CXorf38: variants seen among roughly 807,000 people sequenced by gnomAD.
CXorf38 encodes uncharacterized protein CXorf38.
CXorf38 carries 13 observed loss-of-function variants against 27.5 expected under a neutral mutation model. That is an observed-to-expected ratio of 0.47 (90% CI 0.31 to 0.75). The LOEUF is 0.75. Ranked by LOEUF, CXorf38 falls within the 30% of genes least tolerant of loss-of-function variation. The pLI, the probability that CXorf38 is intolerant of heterozygous loss-of-function variation, is 0.05. For synonymous variants in CXorf38, 100 were observed against 99.8 expected (o/e 1.00, Z -0.01); for missense variants, 240 against 253.2 (o/e 0.95, Z 0.35).
chrX:40,641,566 AT>A (rs1928326301), intron 2 of CXorf38, among the ~76,000 whole-genome samples: 1 of 110,977 alleles, frequency 9.0e-6, no homozygotes, highest in Non-Finnish European at 1.9e-5. Context: ...AATTTTTTGT[AT>A]TTTTTGTAGA....
chrX:40,634,340 G>A (rs1382766915), intron 5 of CXorf38, among the ~76,000 whole-genome samples: 1 of 111,689 alleles, frequency 9.0e-6, no homozygotes, highest in African/African-American at 3.3e-5. Flanking sequence ...GAAAGTGCCG[G>A]GATTACAGGC....
chrX:40,631,254 T>C (rs12856705), intron 5 of CXorf38, among the ~76,000 whole-genome samples: 3,715 of 88,835 alleles, frequency 0.042, 122 homozygotes, highest in African/African-American at 0.098. Flanking sequence ...TATATATATA[T>C]ACACACACAC....
At chrX:40,638,827 G>C (rs1026133332) in intron 3 of CXorf38, among the ~76,000 whole-genome samples, 182 bp downstream of exon 3, 1 of 111,845 alleles carries the variant, frequency 8.9e-6, no homozygotes, top group African/African-American at 3.3e-5. Context: ...AGCCACACTA[G>C]TTTGCTTAGC....
At chrX:40,631,733 A>G (rs771035623) in intron 5 of CXorf38, among the ~76,000 whole-genome samples, 18 of 112,261 alleles carry the variant, frequency 1.6e-4, no homozygotes, top group Non-Finnish European at 3.4e-4. Context: ...AGCGTACATC[A>G]CTGATTCCCA....
At chrX:40,633,394 C>T (rs1488715936) in intron 5 of CXorf38, among the ~76,000 whole-genome samples, 1 of 111,322 alleles carries the variant, frequency 9.0e-6, no homozygotes, top group Non-Finnish European at 1.9e-5. Context: ...AAAGAGGCCA[C>T]CCTAACTACC....
Position 40,639,084 on chromosome X carries a change from T to C in CXorf38, c.396A>G (p.Glu132=), listed in dbSNP as rs138415021. ...RGLADKQGPE[E]CDAVALLSLI... is the part of the protein sequence containing the mutation. ...GACTTAAAAGAGCAACTGCATCACA[T>C]TCCTCAGGTCCTTGTTTGTCTGCTA... The change falls in exon 3 of 7, where the codon GAA becomes GAG. Residue 132 remains glutamate (E), a synonymous_variant. Coordinates refer to ENST00000327877, the MANE Select transcript of CXorf38 (RefSeq NM_144970.3). 7 of 1,209,153 alleles carry C rather than the reference T, an allele frequency of 5.8e-6. No homozygotes were observed. Among genetic ancestry groups the C allele is most frequent in the African/African-American group, 3.5e-5 (2 of 57,226 alleles).
chrX:40,637,025 TA>T lies in CXorf38; in HGVS notation c.602del (p.Val201AspfsTer5). 2.5e-6 allele frequency: 3 copies of T among 1,205,741 alleles called. No individual in the cohort carries two copies. The South Asian group carries it at 5.4e-5, about 22-fold the overall frequency. On this transcript the variant is annotated frameshift_variant, in exon 4 of 7. Transcript: ENST00000327877. LOFTEE classifies it high-confidence loss of function. ...EFKNIPEIVA[V>X]YSRIEQLLTS... ...TTTTTACCTGTTCTATTCTGGAGTA[TA>T]CTGCCACAATCTCTGGGATGTTCTT...
At chrX:40,632,576 C>T (rs758745123) in intron 5 of CXorf38, among the ~76,000 whole-genome samples, 10 of 101,423 alleles carry the variant, frequency 9.9e-5, no homozygotes, top group Non-Finnish European at 1.9e-4. Flanking sequence ...GTTGGGAGGA[C>T]GAATCAAAAG....
At chrX:40,632,828 C>T (rs1347969893) in intron 5 of CXorf38, among the ~76,000 whole-genome samples, 2 of 111,750 alleles carry the variant, frequency 1.8e-5, no homozygotes, top group East Asian at 5.6e-4. Flanking sequence ...ATAACAACAC[C>T]ACCTAGGATT....
Position 40,629,416 on chromosome X carries a change from C to T in CXorf38, c.*748G>A, listed in dbSNP as rs1927666316. 1 of 112,135 alleles carries T rather than the reference C, an allele frequency of 8.9e-6. No individual in the cohort carries two copies. The highest frequency in any genetic ancestry group is 1.9e-5 in the Non-Finnish European group (1 of 53,217). The allele number at this position is 112,135 out of a possible 1,213,427, so 9.2% of individuals were successfully genotyped here. The stretch of plus-strand genomic sequence containing the variant: ...TTCTTTCCTATCCCAACATTTATAT[C>T]CCAGCCCAGCCTTGGGGATCCTGGG... On this transcript the variant is annotated 3_prime_UTR_variant, in exon 7 of 7. Coordinates refer to ENST00000327877, the MANE Select transcript of CXorf38 (RefSeq NM_144970.3).
At position 40,636,919 on chromosome X, in the gene CXorf38, C is replaced by G. The variant is rs1260550009; in HGVS notation, c.621+88G>C. 5 of 939,406 alleles carry G rather than the reference C, an allele frequency of 5.3e-6. No individual in the cohort carries two copies. The African/African-American group carries it at 9.9e-5, about 19-fold the overall frequency. The allele number at this position is 939,406 out of a possible 1,213,427, so 77.4% of individuals were successfully genotyped here. A position where few individuals can be genotyped will look rare whatever the true frequency, so the allele number is the denominator to read the frequency against. ...TTACATTCTAACACTTAGGTTAAAT[C>G]TAATAAACTTCAAATTCTAAATGTG... On this transcript the variant is annotated intron_variant, in intron 4 of 6. Transcript: ENST00000327877.
In CXorf38 at chrX:40,636,601, G is replaced by C; in HGVS notation, c.733C>G (p.Gln245Glu). Residue 245 changes from glutamine (Q) to glutamate (E), a missense_variant, in exon 5 of 7, where the codon CAG becomes GAG. Physicochemically the swap from Gln to Glu is conservative, Grantham distance 29 (BLOSUM62 2). Transcript: ENST00000327877. ...TCTTGAAGTTTCTCCTTTAGTAACT[G>C]CATTTCTATTTCATTGACTTGGCTC... ...SESQVNEIEM[Q>E]LLKEKLQEIY... is the part of the protein sequence containing the mutation. The C allele has an allele frequency of 1.7e-6, 2 of 1,201,138 alleles. No homozygotes were observed. The highest frequency in any genetic ancestry group is 2.3e-6 in the Non-Finnish European group (2 of 887,236).
At position 40,641,490 on chromosome X, in the gene CXorf38, T is replaced by C. The variant is rs562245129; in HGVS notation, c.352-2362A>G. On this transcript the variant is annotated intron_variant, in intron 2 of 6. Transcript: ENST00000327877. ...GCAGCCTCAAACTCCCAGGCTCAAA[T>C]GATCCTCCCAACTCAGCCTCCCAAG... Among the ~76,000 whole-genome samples the C allele has an allele frequency of 3.0e-4, 33 of 111,669 alleles. No homozygotes were observed. In the East Asian group the frequency reaches 7.6e-3, roughly 26 times the overall value.
chrX:40,636,521 C>T lies in CXorf38; in HGVS notation c.801+12G>A. 8.5e-7 allele frequency: 1 copy of T among 1,175,203 alleles called. No individual in the cohort carries two copies. The highest frequency in any genetic ancestry group is 1.8e-5 in the South Asian group (1 of 54,263). ...GTTAACTCACACAGAGCCTATAACA[C>T]TTTTCTTTTACCTCTTCAGGCAACA... is the stretch of plus-strand genomic sequence containing the variant. On this transcript the variant is annotated intron_variant, in intron 5 of 6. Coordinates refer to ENST00000327877, the MANE Select transcript of CXorf38 (RefSeq NM_144970.3).
rs1928109765 is a variant in CXorf38 at position 40,637,160 on chromosome X, C to A, written c.472-4G>T. 5.3e-6 allele frequency: 6 copies of A among 1,132,998 alleles called. No homozygotes were observed. The highest frequency in any genetic ancestry group is 7.0e-6 in the Non-Finnish European group (6 of 851,287). 93.4% of individuals were successfully genotyped at this position (1,132,998 alleles called of 1,213,427 possible). On this transcript the variant is annotated splice_region_variant and splice_polypyrimidine_tract_variant and intron_variant, in intron 3 of 6. Coordinates refer to ENST00000327877, the MANE Select transcript of CXorf38 (RefSeq NM_144970.3). ...TCTCATTACGACATTTAATTACCTGCAGAAAGACAAAAAGATAAAAGGCTT... is the reference window on the plus strand; with the variant it reads ...TCTCATTACGACATTTAATTACCTGAAGAAAGACAAAAAGATAAAAGGCTT...
chrX:40,637,867 T>C (rs1033500511), intron 3 of CXorf38, among the ~76,000 whole-genome samples: 2 of 111,549 alleles, frequency 1.8e-5, no homozygotes, highest in Non-Finnish European at 3.8e-5. Context: ...TCAGTGCCGT[T>C]GAGGCTTGAG....
rs1282518160 is a variant in CXorf38, at chrX:40,647,377, G to A, written c.144C>T (p.Leu48=). 2 of 1,173,233 alleles carry A rather than the reference G, an allele frequency of 1.7e-6. No homozygotes were observed. The highest frequency in any genetic ancestry group is 2.4e-5 in the Admixed American group (1 of 41,862). The change falls in exon 1 of 7, where the codon CTC becomes CTT. Residue 48 remains leucine, a synonymous_variant. Transcript: ENST00000327877. The part of the protein sequence containing the change: ...REVLSFHRGL[L]AAAPGLGPRA... ...GGGGCCCCAGGCCGGGGGCTGCGGC[G>A]AGTAGGCCGCGGTGGAAGGAGAGCA...
chrX:40,647,313 C>T lies in CXorf38; in HGVS notation c.208G>A (p.Ala70Thr). The change falls in exon 1 of 7, where the codon GCC becomes ACC. Residue 70 changes from alanine (A) to threonine (T), a missense_variant. Coordinates refer to ENST00000327877, the MANE Select transcript of CXorf38 (RefSeq NM_144970.3). ...CCGAGCCAGGTGCTCACCTGGCGGGCGCGAGGGCTGCACCGTGAGCCGCCG... is the reference window on the plus strand; with the variant it reads ...CCGAGCCAGGTGCTCACCTGGCGGGTGCGAGGGCTGCACCGTGAGCCGCCG... The part of the protein sequence containing the change: ...CRGGSRCSPR[A>T]RQFQPQCQVC... 9.2e-7 allele frequency: 1 copy of T among 1,087,738 alleles called. No individual in the cohort carries two copies. Among genetic ancestry groups the T allele is most frequent in the South Asian group, 2.4e-5 (1 of 42,549 alleles). 89.6% of individuals were successfully genotyped at this position (1,087,738 alleles called of 1,213,427 possible).
In CXorf38 at chrX:40,644,961, T is replaced by C. The variant is rs143026425; in HGVS notation, c.351+2046A>G. ...TTTCCCACTAATCAGAAGCAGAAAA[T>C]GTCATCAGGACTGGAGTTGGGCCAG... is the stretch of plus-strand genomic sequence containing the variant. On this transcript the variant is annotated intron_variant, in intron 2 of 6. Coordinates refer to ENST00000327877, the MANE Select transcript of CXorf38 (RefSeq NM_144970.3). Among the ~76,000 whole-genome samples the C allele has an allele frequency of 1.8e-3, 203 of 109,982 alleles. 1 individual carries two copies. The highest frequency in any genetic ancestry group is 4.6e-3 in the Middle Eastern group (1 of 217).
Sources: gnomAD v4.1 joint callset for allele counts (sites outside exome capture counted in the v4.1 genomes callset) on GRCh38, gnomAD v4.1.1 for gene constraint, MANE v1.5 for transcripts, NCBI Gene and HGNC (gene_info 2026-07-23, HGNC 2026-07-21) for gene names.